The following NRXN1 variants were observed in gnomAD, a reference collection of about 807,000 sequenced individuals.
The protein encoded by NRXN1 is neurexin-1.
NRXN1 carries 39 observed loss-of-function variants against 150.9 expected under a neutral mutation model. The ratio of observed to expected loss-of-function variants is 0.26; its 90% CI spans 0.20 to 0.34. NRXN1 has a LOEUF of 0.34. NRXN1 is among the 10% of genes least tolerant of loss of function. The pLI is 1.00. For synonymous variants in NRXN1, 924 were observed against 757.0 expected (o/e 1.22, Z -3.62); for missense variants, 1,815 against 1,949.9 (o/e 0.93, Z 1.30).
chr2:50,098,638 C>T (rs932554999), intron 18 of NRXN1, among the ~76,000 whole-genome samples: 3 of 152,092 alleles, frequency 2.0e-5, no homozygotes, highest in Non-Finnish European at 4.4e-5. Context: ...TCCTTGGAAA[C>T]TTTAATCTTG....
At chr2:50,422,324 T>G (rs1227996879) in intron 17 of NRXN1, among the ~76,000 whole-genome samples, 1 of 151,916 alleles carries the variant, frequency 6.6e-6, no homozygotes, top group Non-Finnish European at 1.5e-5. Context: ...TAGCCTAGAG[T>G]AAAAACAAAG....
intron 8 of NRXN1, among the ~76,000 whole-genome samples, chr2:50,559,670 A>T (rs1190848244): frequency 6.6e-6 from 1 of 152,186 alleles, no homozygotes; most frequent in Non-Finnish European, 1.5e-5. Context: ...CTATATGTCA[A>T]ATTTAATGTC....
chr2:50,772,572 G>A, intron 5 of NRXN1, among the ~76,000 whole-genome samples: 1 of 152,014 alleles, frequency 6.6e-6, no homozygotes, highest in East Asian at 1.9e-4. Context: ...AAAAAGGAAG[G>A]CCACTTATAT....
chr2:50,433,734 G>A (rs2085176777), intron 17 of NRXN1, among the ~76,000 whole-genome samples: 1 of 151,392 alleles, frequency 6.6e-6, no homozygotes, highest in Non-Finnish European at 1.5e-5. Context: ...GGGAGGGAAG[G>A]TGGAAGGGAG....
intron 21 of NRXN1, among the ~76,000 whole-genome samples, chr2:50,027,409 C>A (rs1255529309): frequency 6.6e-6 from 1 of 150,662 alleles, no homozygotes; most frequent in Non-Finnish European, 1.5e-5. Context: ...TTCCTCCCTC[C>A]CTCCCTCTCT....
At chr2:50,666,076 G>A (rs960875130) in intron 5 of NRXN1, among the ~76,000 whole-genome samples, 3 of 151,876 alleles carry the variant, frequency 2.0e-5, no homozygotes, top group Non-Finnish European at 2.9e-5. Flanking sequence ...CTCCTGGTAG[G>A]AGGCCAACAT....
chr2:50,338,235 A>C (rs1371311722), intron 17 of NRXN1, among the ~76,000 whole-genome samples: 2 of 152,178 alleles, frequency 1.3e-5, no homozygotes, highest in East Asian at 3.8e-4. Flanking sequence ...TGATTTTGAA[A>C]ATGTTAACTG....
At chr2:51,011,867 G>A (rs17041187) in intron 2 of NRXN1, among the ~76,000 whole-genome samples, 2,805 of 152,056 alleles carry the variant, frequency 0.018, 88 homozygotes, top group African/African-American at 0.065. Flanking sequence ...CCTGAGATTG[G>A]GAAAGTGGTA....
At chr2:50,004,077 T>C (rs1194004204) in intron 21 of NRXN1, among the ~76,000 whole-genome samples, 4 of 152,082 alleles carry the variant, frequency 2.6e-5, no homozygotes, top group African/African-American at 9.7e-5. Context: ...AGGTATTACT[T>C]GAGTAAAAAG....
chr2:50,311,965 G>C (rs1376737740), intron 17 of NRXN1, among the ~76,000 whole-genome samples: 1 of 152,108 alleles, frequency 6.6e-6, no homozygotes, highest in South Asian at 2.1e-4. Flanking sequence ...AGCTATGGTA[G>C]ACACTGGGGA....
At chr2:50,553,188 T>G (rs576820195) in intron 8 of NRXN1, among the ~76,000 whole-genome samples, 163 bp from the exon 9 acceptor site, 9 of 152,344 alleles carry the variant, frequency 5.9e-5, no homozygotes, top group Non-Finnish European at 1.3e-4. Context: ...AATTCAAGTG[T>G]CAATTCATAG....
chr2:49,935,626 G>A (rs956511531), intron 22 of NRXN1, among the ~76,000 whole-genome samples: 5 of 152,200 alleles, frequency 3.3e-5, no homozygotes, highest in African/African-American at 4.8e-5. Flanking sequence ...TGGAGCATAT[G>A]TGCCAACAAT....
At chr2:50,656,489 C>A in intron 5 of NRXN1, 1 of 687,468 alleles carries the variant, frequency 1.5e-6, no homozygotes, top group South Asian at 1.6e-5. Flanking sequence ...ACATTCACAC[C>A]AACTGAGGTC....
chr2:50,071,693 T>C (rs1390853512), intron 19 of NRXN1, among the ~76,000 whole-genome samples: 1 of 152,228 alleles, frequency 6.6e-6, no homozygotes. Flanking sequence ...GCTATGGCAG[T>C]CCTAGCAAAC....
intron 2 of NRXN1, among the ~76,000 whole-genome samples, chr2:50,990,762 C>T (rs537677024): frequency 1.3e-5 from 2 of 152,114 alleles, no homozygotes; most frequent in South Asian, 2.1e-4. Context: ...CTCCCAGGAG[C>T]TGTTTCCCAG....
chr2:50,052,195 G>C (rs1353941558), intron 21 of NRXN1, among the ~76,000 whole-genome samples: 1 of 151,988 alleles, frequency 6.6e-6, no homozygotes, highest in Non-Finnish European at 1.5e-5. Context: ...TCAAATGCAA[G>C]AAGTAAAAGC....
At chr2:50,036,018 C>G (rs1027969276) in intron 21 of NRXN1, among the ~76,000 whole-genome samples, 1 of 152,080 alleles carries the variant, frequency 6.6e-6, no homozygotes, top group African/African-American at 2.4e-5. Flanking sequence ...ATAGCACAAC[C>G]TTTACCTAGG....
At chr2:50,470,011 A>G (rs559874528) in intron 16 of NRXN1, among the ~76,000 whole-genome samples, 13 of 151,554 alleles carry the variant, frequency 8.6e-5, no homozygotes, top group African/African-American at 2.4e-4. Context: ...CACTCACATT[A>G]CATACCAGTG....
intron 17 of NRXN1, among the ~76,000 whole-genome samples, chr2:50,370,421 G>A (rs529211055): frequency 1.3e-5 from 2 of 152,040 alleles, no homozygotes; most frequent in Admixed American, 6.6e-5. Flanking sequence ...CTAGCCTAAG[G>A]CCTACCACAG....
Sources: allele counts gnomAD v4.1 joint callset (sites outside exome capture counted in the v4.1 genomes callset), GRCh38; gene constraint gnomAD v4.1.1; transcripts MANE v1.5; gene names NCBI Gene and HGNC (gene_info 2026-07-23, HGNC 2026-07-21).